VPS54: variants seen among roughly 807,000 people sequenced by gnomAD.
VPS54 encodes the protein vacuolar protein sorting-associated protein 54.
In VPS54, 45 loss-of-function variants were observed where a neutral mutation model predicts 121.5. The observed-to-expected ratio is 0.37, with a 90% CI of 0.29 to 0.47. The LOEUF (loss-of-function observed/expected upper bound fraction) is 0.47, where lower values mean the gene tolerates loss of function less well. Among genes scored for constraint, VPS54 ranks in the 20% least tolerant of loss-of-function variants. VPS54 has a pLI of 0.99. For synonymous variants in VPS54, 371 were observed against 385.8 expected, an observed-to-expected ratio of 0.96 and a Z score of 0.45; for missense variants, 1,090 against 1,131.4, an observed-to-expected ratio of 0.96 and a Z score of 0.52.
intron 6 of VPS54, among the ~76,000 whole-genome samples, chr2:63,963,934 T>C (rs1675877890): frequency 6.6e-6 from 1 of 152,192 alleles, no homozygotes; most frequent in South Asian, 2.1e-4. Flanking sequence ...GTAAATCAAC[T>C]ACATCATTAA....
At chr2:63,950,642 G>C (rs1489481836) in intron 7 of VPS54, among the ~76,000 whole-genome samples, 3 of 152,150 alleles carry the variant, frequency 2.0e-5, no homozygotes, top group Admixed American at 6.6e-5. Context: ...AAGCTTGTGG[G>C]TTAGCAGCTT....
At chr2:63,940,785 A>G (rs13418689) in intron 11 of VPS54, among the ~76,000 whole-genome samples, 227 of 152,366 alleles carry the variant, frequency 1.5e-3, no homozygotes, top group African/African-American at 4.9e-3. Context: ...AGAGTTCTAT[A>G]TAACTAGACA....
chr2:63,902,943 G>A (rs982461212), intron 20 of VPS54, among the ~76,000 whole-genome samples: 1 of 152,020 alleles, frequency 6.6e-6, no homozygotes, highest in East Asian at 1.9e-4. Flanking sequence ...GCTCCAGCCT[G>A]GGCGAAAGAG....
chr2:63,999,466 A>G (rs1478760591), intron 1 of VPS54, among the ~76,000 whole-genome samples: 2 of 152,120 alleles, frequency 1.3e-5, no homozygotes, highest in Admixed American at 1.3e-4. Context: ...TGCCAGCCAT[A>G]TTGGAGCTCC....
chr2:63,947,962 G>A (rs11682520), intron 8 of VPS54, among the ~76,000 whole-genome samples: 27,988 of 151,794 alleles, frequency 0.18, 3,682 homozygotes, highest in East Asian at 0.68. Context: ...TCAGCCTCCC[G>A]AGTAGCTGGG....
intron 21 of VPS54, among the ~76,000 whole-genome samples, chr2:63,898,716 G>A (rs1319614603): frequency 6.6e-6 from 1 of 151,814 alleles, no homozygotes; most frequent in Non-Finnish European, 1.5e-5. Flanking sequence ...ACAGCAACTA[G>A]ACTTTAATAT....
chr2:63,972,412 C>G (rs1676330750), intron 3 of VPS54, among the ~76,000 whole-genome samples, 168 bp from the exon 4 acceptor site: 1 of 152,142 alleles, frequency 6.6e-6, no homozygotes, highest in African/African-American at 2.4e-5. Context: ...GGTTAATAAA[C>G]CAAATACCTC....
chr2:63,978,501 T>C (rs1249061664), intron 3 of VPS54, among the ~76,000 whole-genome samples: 2 of 151,840 alleles, frequency 1.3e-5, no homozygotes, highest in African/African-American at 2.4e-5. Context: ...GAATTACTTT[T>C]TCTGTAAATG....
chr2:63,955,351 C>A (rs560407220), intron 7 of VPS54, among the ~76,000 whole-genome samples: 1 of 151,712 alleles, frequency 6.6e-6, no homozygotes, highest in Non-Finnish European at 1.5e-5. Context: ...ATCATTGATT[C>A]TTTTTTAATG....
intron 11 of VPS54, among the ~76,000 whole-genome samples, chr2:63,941,627 T>A (rs1167805193): frequency 6.6e-6 from 1 of 152,242 alleles, no homozygotes; most frequent in Non-Finnish European, 1.5e-5. Flanking sequence ...CTGTTCTTTT[T>A]GTTATACTAA....
intron 6 of VPS54, among the ~76,000 whole-genome samples, chr2:63,963,303 A>AAT (rs1240574020): frequency 6.6e-6 from 1 of 152,158 alleles, no homozygotes; most frequent in Non-Finnish European, 1.5e-5. Context: ...TTCTTATGGT[A>AAT]ATATATATTT....
chr2:63,956,268 C>T (rs989612377), intron 7 of VPS54, among the ~76,000 whole-genome samples: 6 of 152,094 alleles, frequency 3.9e-5, no homozygotes, highest in African/African-American at 1.4e-4. Context: ...ATGTTAAATA[C>T]CTTTTGATAC....
intron 1 of VPS54, among the ~76,000 whole-genome samples, chr2:64,009,313 C>G (rs1014281319): frequency 1.3e-5 from 2 of 151,866 alleles, no homozygotes; most frequent in Non-Finnish European, 2.9e-5. Flanking sequence ...AGATACTATA[C>G]ATTTTCTTTT....
At chr2:63,926,624 T>C (rs1017558528) in intron 12 of VPS54, among the ~76,000 whole-genome samples, 29 of 152,010 alleles carry the variant, frequency 1.9e-4, no homozygotes, top group East Asian at 3.9e-4. Flanking sequence ...GTTCATCTCA[T>C]TGGGACTGGA....
chr2:63,982,091 C>T (rs1052790647), intron 2 of VPS54, among the ~76,000 whole-genome samples: 1 of 152,056 alleles, frequency 6.6e-6, no homozygotes, highest in Non-Finnish European at 1.5e-5. Flanking sequence ...AAAATATGCA[C>T]GAGATAAAAG....
At chr2:63,974,916 C>T in intron 3 of VPS54, 2 of 1,423,232 alleles carry the variant, frequency 1.4e-6, no homozygotes. Context: ...ATTTTATTTC[C>T]TTTTCTTATT....
chr2:63,919,875 A>G lies in VPS54; in HGVS notation c.2164+8T>C. Reference sequence around the variant, plus strand: ...ATTGAAAGAGAATGTGTGAATGAATACACATACCTCCTGATTTTTTTTCAG... The same window carrying G: ...ATTGAAAGAGAATGTGTGAATGAATGCACATACCTCCTGATTTTTTTTCAG... On this transcript the variant is annotated splice_region_variant and intron_variant, in intron 15 of 22. Transcript: ENST00000272322. 1 of 1,591,766 alleles carries G rather than the reference A, an allele frequency of 6.3e-7. No homozygotes were observed. The highest frequency in any genetic ancestry group is 2.2e-5 in the East Asian group (1 of 44,516).
chr2:63,981,522 T>G (rs1676798473), intron 3 of VPS54, 124 bp downstream of exon 3: 2 of 1,089,832 alleles, frequency 1.8e-6, no homozygotes, highest in Non-Finnish European at 2.6e-6. Flanking sequence ...CAGTACAATT[T>G]GTATGAACGA....
chr2:63,932,986 CCTA>C (rs1279934569), intron 12 of VPS54, among the ~76,000 whole-genome samples: 1 of 151,814 alleles, frequency 6.6e-6, no homozygotes, highest in Non-Finnish European at 1.5e-5. Context: ...ATGTCTGTAA[CCTA>C]CTGTCAAAGG....
Sources: allele counts gnomAD v4.1 joint callset (sites outside exome capture counted in the v4.1 genomes callset), GRCh38; gene constraint gnomAD v4.1.1; transcripts MANE v1.5; gene names NCBI Gene and HGNC (gene_info 2026-07-23, HGNC 2026-07-21).